The following MARCHF1 variants were observed in gnomAD, a reference collection of about 807,000 sequenced individuals.
MARCHF1 encodes the protein E3 ubiquitin-protein ligase MARCHF1.
MARCHF1 carries 40 observed loss-of-function variants against 54.2 expected under a neutral mutation model. The observed-to-expected ratio is 0.74, with a 90% CI of 0.57 to 0.96. The LOEUF (loss-of-function observed/expected upper bound fraction) is 0.96, where lower values mean the gene tolerates loss of function less well. Among genes scored for constraint, MARCHF1 ranks in the 40% least tolerant of loss-of-function variants. MARCHF1 has a pLI of 0.00. For synonymous variants in MARCHF1, 236 were observed against 236.3 expected, an observed-to-expected ratio of 1.00 and a Z score of 0.01; for missense variants, 586 against 656.5, an observed-to-expected ratio of 0.89 and a Z score of 1.17.
chr4:164,241,404 A>G (rs1056403901), intron 1 of MARCHF1, among the ~76,000 whole-genome samples: 5 of 152,152 alleles, frequency 3.3e-5, no homozygotes, highest in African/African-American at 1.2e-4. Context: ...GCGATCACTC[A>G]GCACACATAA....
At chr4:163,917,872 A>T (rs1441900180) in intron 3 of MARCHF1, among the ~76,000 whole-genome samples, 2 of 152,158 alleles carry the variant, frequency 1.3e-5, no homozygotes, top group Non-Finnish European at 2.9e-5. Context: ...CTCTGATGAA[A>T]GTTTCTTTTG....
chr4:164,215,408 C>T (rs1731902204), intron 1 of MARCHF1, among the ~76,000 whole-genome samples: 1 of 152,086 alleles, frequency 6.6e-6, no homozygotes, highest in South Asian at 2.1e-4. Context: ...GTGTGTCTGC[C>T]TGCTAGGGTC....
intron 1 of MARCHF1, among the ~76,000 whole-genome samples, chr4:164,222,403 T>G (rs2111155605): frequency 6.6e-6 from 1 of 152,092 alleles, no homozygotes; most frequent in East Asian, 1.9e-4. Context: ...ATGAAAGAAA[T>G]ATATTTTGTG....
chr4:164,176,962 CTCTCTCTCTCTCTCTCTCTATATA>C (rs1217703999), intron 1 of MARCHF1, among the ~76,000 whole-genome samples: 7 of 42,272 alleles, frequency 1.7e-4, no homozygotes, highest in African/African-American at 7.1e-4. Context: ...CTCTCTCTCT[CTCTCTCTCTCTCTCTCTCTATATA>C]TATATATATA....
intron 4 of MARCHF1, among the ~76,000 whole-genome samples, chr4:163,851,126 T>C (rs1322663936): frequency 1.3e-5 from 2 of 152,132 alleles, no homozygotes; most frequent in African/African-American, 4.8e-5. Context: ...TCCCATTATC[T>C]TCCCCAAACA....
chr4:163,533,821 T>A (rs1038025532), intron 9 of MARCHF1, among the ~76,000 whole-genome samples: 1 of 151,624 alleles, frequency 6.6e-6, no homozygotes, highest in Non-Finnish European at 1.5e-5. Flanking sequence ...TGGAAATTGG[T>A]AATGTATGCA....
At chr4:164,055,423 G>A (rs1349880380) in intron 2 of MARCHF1, 1 of 137,314 alleles carries the variant, frequency 7.3e-6, no homozygotes, top group African/African-American at 2.7e-5. Context: ...CAGCCTGGAT[G>A]AGAGAGTGAC....
chr4:163,723,271 C>T (rs1448876883), intron 4 of MARCHF1, among the ~76,000 whole-genome samples: 1 of 152,126 alleles, frequency 6.6e-6, no homozygotes, highest in Non-Finnish European at 1.5e-5. Context: ...TTTATTTCTC[C>T]TTCACTTATG....
chr4:164,281,692 C>T (rs1394158862), intron 1 of MARCHF1, among the ~76,000 whole-genome samples: 1 of 152,084 alleles, frequency 6.6e-6, no homozygotes, highest in African/African-American at 2.4e-5. Context: ...CTTGAAGAAC[C>T]TGAATAACAC....
At chr4:163,734,371 C>G (rs1350180140) in intron 4 of MARCHF1, among the ~76,000 whole-genome samples, 1 of 152,098 alleles carries the variant, frequency 6.6e-6, no homozygotes, top group Non-Finnish European at 1.5e-5. Flanking sequence ...CAGACTTGCA[C>G]ACAAATTATC....
intron 2 of MARCHF1, among the ~76,000 whole-genome samples, chr4:164,042,070 G>A (rs559895870): frequency 2.0e-5 from 3 of 151,968 alleles, no homozygotes; most frequent in Non-Finnish European, 2.9e-5. Context: ...AACAATATTC[G>A]ATTTACTTCT....
At chr4:164,135,404 G>A (rs1442775136) in intron 1 of MARCHF1, 1 of 152,170 alleles carries the variant, frequency 6.6e-6, no homozygotes, top group African/African-American at 2.4e-5. Context: ...AAAGAAAAGA[G>A]GTTTAATTAA....
At chr4:164,330,821 G>T (rs1735416392) in intron 1 of MARCHF1, among the ~76,000 whole-genome samples, 1 of 152,088 alleles carries the variant, frequency 6.6e-6, no homozygotes, top group Admixed American at 6.6e-5. Flanking sequence ...CACATTTTTT[G>T]AAACGAAGCT....
At chr4:163,766,072 T>C (rs376075824) in intron 4 of MARCHF1, among the ~76,000 whole-genome samples, 1 of 151,634 alleles carries the variant, frequency 6.6e-6, no homozygotes, top group East Asian at 1.9e-4. Flanking sequence ...CACATGAGTA[T>C]GCAAGCATAA....
At chr4:163,744,597 AC>A (rs760044904) in intron 4 of MARCHF1, among the ~76,000 whole-genome samples, 10 of 152,210 alleles carry the variant, frequency 6.6e-5, no homozygotes, top group Non-Finnish European at 1.5e-4. Context: ...CCAGAATAAT[AC>A]CTGTCAAATA....
intron 4 of MARCHF1, among the ~76,000 whole-genome samples, chr4:163,732,901 C>T (rs1745887674): frequency 6.6e-6 from 1 of 151,736 alleles, no homozygotes; most frequent in Non-Finnish European, 1.5e-5. Context: ...CCTGTAATCC[C>T]AGCAATTTGG....
At chr4:164,127,959 A>G (rs139454598) in intron 1 of MARCHF1, among the ~76,000 whole-genome samples, 3 of 152,294 alleles carry the variant, frequency 2.0e-5, no homozygotes, top group Middle Eastern at 3.4e-3. Context: ...GTAAAACATA[A>G]TATAATGCCT....
At chr4:164,068,544 AG>A (rs1754781961) in intron 2 of MARCHF1, among the ~76,000 whole-genome samples, 1 of 152,122 alleles carries the variant, frequency 6.6e-6, no homozygotes, top group Non-Finnish European at 1.5e-5. Flanking sequence ...CACCTGGGCC[AG>A]CAGCTGCTGT....
At chr4:163,597,920 T>G (rs1054058002) in intron 7 of MARCHF1, among the ~76,000 whole-genome samples, 2 of 152,198 alleles carry the variant, frequency 1.3e-5, no homozygotes, top group East Asian at 3.9e-4. Flanking sequence ...GCCAACCCTA[T>G]GATTAATTTT....
Sources: allele counts gnomAD v4.1 joint callset (sites outside exome capture counted in the v4.1 genomes callset), GRCh38; gene constraint gnomAD v4.1.1; transcripts MANE v1.5; gene names NCBI Gene and HGNC (gene_info 2026-07-23, HGNC 2026-07-21).